DNAH12: variants seen among roughly 807,000 people sequenced by gnomAD.
DNAH12 encodes the protein dynein axonemal heavy chain 12.
Under a neutral mutation model 371.5 loss-of-function variants are expected in DNAH12, and 285 were observed. The observed-to-expected ratio is 0.77, with a 90% CI of 0.70 to 0.85. The LOEUF is 0.85. Ranked by LOEUF, DNAH12 falls within the 40% of genes least tolerant of loss-of-function variation. The pLI is 0.00. For synonymous variants in DNAH12, 1,200 were observed against 1,213.0 expected, an observed-to-expected ratio of 0.99 and a Z score of 0.22; for missense variants, 3,611 against 3,689.4, an observed-to-expected ratio of 0.98 and a Z score of 0.55.
chr3:57,500,198 G>A (rs968837909), intron 11 of DNAH12, among the ~76,000 whole-genome samples: 2 of 151,944 alleles, frequency 1.3e-5, no homozygotes, highest in Non-Finnish European at 2.9e-5. Context: ...GGACCACCAT[G>A]CTTGGCTAAT....
intron 69 of DNAH12, among the ~76,000 whole-genome samples, chr3:57,303,264 A>G (rs958608712): frequency 1.4e-5 from 2 of 147,064 alleles, no homozygotes; most frequent in Non-Finnish European, 3.0e-5. Context: ...GCGTGAACCC[A>G]GGAGGCAGAG....
chr3:57,470,585 C>T lies in DNAH12; in HGVS notation c.1963G>A (p.Ala655Thr), dbSNP rs757671218. The change falls in exon 16 of 74, where the codon GCA becomes ACA. Residue 655 changes from alanine (A) to threonine (T), a missense_variant. By Grantham distance (58) the Ala-to-Thr change is moderately conservative (BLOSUM62 0). This residue lies in a region of DNAH12 where 1,314 missense variants were observed against 1,398.7 expected (regional missense o/e 0.94). Transcript: ENST00000495027. ...TCTTCTTTATTAATAAACTGCACTG[C>T]TTCTTCAGATTCCTGAATACGTTTT... ...LQKRIQESEE[A>T]VQFINKEEEL... The T allele has an allele frequency of 2.6e-6, 4 of 1,547,108 alleles. No individual in the cohort carries two copies. The South Asian group carries it at 4.9e-5, about 19-fold the overall frequency.
chr3:57,294,366 G>T (rs376702170), intron 73 of DNAH12, among the ~76,000 whole-genome samples: 138 of 152,058 alleles, frequency 9.1e-4, no homozygotes, highest in Non-Finnish European at 1.4e-3. Context: ...TAGTAGAGAC[G>T]GGGTTTCACT....
At chr3:57,332,497 A>C (rs949451610) in intron 62 of DNAH12, among the ~76,000 whole-genome samples, 2 of 152,240 alleles carry the variant, frequency 1.3e-5, no homozygotes, top group Non-Finnish European at 2.9e-5. Context: ...AGAAAAAGAA[A>C]ACAAACTGAA....
intron 58 of DNAH12, among the ~76,000 whole-genome samples, chr3:57,361,442 C>CTATATATATAT: frequency 9.3e-6 from 1 of 107,760 alleles, no homozygotes; most frequent in Non-Finnish European, 1.7e-5. Flanking sequence ...TACACACACA[C>CTATATATATAT]ACTATATATA....
intron 29 of DNAH12, among the ~76,000 whole-genome samples, chr3:57,439,569 T>C (rs919870564): frequency 2.0e-5 from 3 of 152,138 alleles, no homozygotes; most frequent in Admixed American, 2.0e-4. Context: ...AGTTAAGATC[T>C]CAAACTGTAA....
chr3:57,535,003 T>C (rs2068980783), intron 2 of DNAH12, among the ~76,000 whole-genome samples: 1 of 152,260 alleles, frequency 6.6e-6, no homozygotes, highest in Admixed American at 6.5e-5. Context: ...AAGATCTTTA[T>C]ATGCATTTAA....
At chr3:57,322,286 C>T (rs2061824474) in intron 65 of DNAH12, 57 bp downstream of exon 65, 1 of 1,436,684 alleles carries the variant, frequency 7.0e-7, no homozygotes, top group South Asian at 1.5e-5. Context: ...AAATTTTACA[C>T]TTCCATATTT....
At chr3:57,349,825 C>T (rs1250172808) in intron 60 of DNAH12, among the ~76,000 whole-genome samples, 4 of 152,092 alleles carry the variant, frequency 2.6e-5, no homozygotes, top group African/African-American at 4.8e-5. Context: ...GTAGCTGGGA[C>T]TACAGGCATG....
chr3:57,327,842 G>C (rs1320758466), intron 62 of DNAH12, among the ~76,000 whole-genome samples: 3 of 152,150 alleles, frequency 2.0e-5, no homozygotes, highest in Non-Finnish European at 4.4e-5. Context: ...AAAGAGAGAA[G>C]AATCAAATAG....
In DNAH12 at chr3:57,352,086, G is replaced by T. The variant is rs1553660530; in HGVS notation, c.9673C>A (p.Leu3225Met). The T allele has an allele frequency of 2.0e-6, 3 of 1,505,630 alleles. No homozygotes were observed. Among genetic ancestry groups the T allele is most frequent in the Non-Finnish European group, 2.6e-6 (3 of 1,134,262 alleles). The allele number at this position is 1,505,630 out of a possible 1,614,324, so 93.3% of individuals were successfully genotyped here. The change falls in exon 60 of 74, where the codon CTG (leucine) becomes ATG (methionine). Residue 3225 changes from leucine to methionine, a missense_variant and splice_region_variant. Around this residue, in one of 3 missense-constraint regions of DNAH12, gnomAD observed 2,266 missense variants for 2,236.9 expected, o/e 1.01. Transcript: ENST00000495027. ...FSFLLCANLLLARKEIEYQEL... is the reference protein window; with the variant it reads ...FSFLLCANLLMARKEIEYQEL... ...TTATGGTAAAAGCAAGTAACTTACA[G>T]AAGAAGATTGGCACATAATAAAAAG...
At chr3:57,529,701 C>A (rs1273025325) in intron 2 of DNAH12, among the ~76,000 whole-genome samples, 2 of 151,996 alleles carry the variant, frequency 1.3e-5, no homozygotes, top group African/African-American at 4.8e-5. Flanking sequence ...TTTCATTCAT[C>A]TTTTGTATTG....
intron 65 of DNAH12, among the ~76,000 whole-genome samples, chr3:57,317,293 C>CTA: frequency 6.6e-6 from 1 of 152,204 alleles, no homozygotes; most frequent in South Asian, 2.1e-4. Flanking sequence ...GTATTGTTAA[C>CTA]TATAAGGACA....
chr3:57,519,786 C>A, intron 4 of DNAH12: 1 of 1,517,554 alleles, frequency 6.6e-7, no homozygotes, highest in Admixed American at 1.7e-5. Context: ...CTCCCAAGAC[C>A]ACAACACAGT....
At chr3:57,334,752 A>C in intron 61 of DNAH12, 30 bp downstream of exon 61, 1 of 1,530,118 alleles carries the variant, frequency 6.5e-7, no homozygotes, top group Non-Finnish European at 8.8e-7. Context: ...ATTGCCATTC[A>C]ATGATAAATC....
At chr3:57,340,840 A>C (rs2062376036) in intron 60 of DNAH12, among the ~76,000 whole-genome samples, 1 of 152,220 alleles carries the variant, frequency 6.6e-6, no homozygotes, top group Non-Finnish European at 1.5e-5. Flanking sequence ...AAAACCAGAT[A>C]AAAACACAAC....
chr3:57,440,860 C>G (rs1290250988), intron 29 of DNAH12, among the ~76,000 whole-genome samples: 2 of 152,072 alleles, frequency 1.3e-5, no homozygotes, highest in East Asian at 3.9e-4. Flanking sequence ...TGTGGTGGTA[C>G]ATTCCTGTAG....
intron 22 of DNAH12, among the ~76,000 whole-genome samples, chr3:57,455,965 T>C (rs936523317): frequency 2.0e-5 from 3 of 152,198 alleles, no homozygotes; most frequent in South Asian, 2.1e-4. Flanking sequence ...TTGAAGCTGA[T>C]GCTAATGCAA....
intron 62 of DNAH12, among the ~76,000 whole-genome samples, chr3:57,324,099 T>G (rs907063519): frequency 6.6e-6 from 1 of 152,198 alleles, no homozygotes; most frequent in Admixed American, 6.5e-5. Context: ...CTTTTCAACA[T>G]AGCGTTCACA....
Sources: gnomAD v4.1 joint callset for allele counts (sites outside exome capture counted in the v4.1 genomes callset) on GRCh38, gnomAD v4.1.1 for gene constraint, gnomAD v4.1.1 regional missense constraint, MANE v1.5 for transcripts, NCBI Gene and HGNC (gene_info 2026-07-23, HGNC 2026-07-21) for gene names.